Variants in LTBP3 observed in about 807,000 individuals in gnomAD.
LTBP3 encodes latent-transforming growth factor beta-binding protein 3.
In LTBP3, 97 loss-of-function variants were observed where a neutral mutation model predicts 159.7. The observed-to-expected ratio is 0.61, with a 90% confidence interval of 0.52 to 0.72. The LOEUF (loss-of-function observed/expected upper bound fraction) is 0.72. LTBP3 is among the 30% of genes least tolerant of loss of function. LTBP3 has a pLI of 0.00. For synonymous variants in LTBP3, 824 were observed against 777.1 expected (o/e 1.06, Z -1.00); for missense variants, 1,584 against 1,864.3 (o/e 0.85, Z 2.77).
At chr11:65,549,565 A>ATATTT (rs1856514122) in intron 11 of LTBP3, among the ~76,000 whole-genome samples, 1 of 70,880 alleles carries the variant, frequency 1.4e-5, no homozygotes, top group Non-Finnish European at 2.8e-5. Context: ...CGCCCAGCTA[A>ATATTT]TCTTTTTTTT....
At chr11:65,556,217 C>CA (rs1274188654) in intron 1 of LTBP3, among the ~76,000 whole-genome samples, 2 of 152,188 alleles carry the variant, frequency 1.3e-5, no homozygotes, top group Admixed American at 1.3e-4. Context: ...GACACCAACA[C>CA]AGGTTCACAT....
chr11:65,543,587 T>C (rs1409469671), intron 16 of LTBP3, 38 bp from the exon 17 acceptor site: 19 of 1,613,402 alleles, frequency 1.2e-5, no homozygotes, highest in Admixed American at 1.7e-5. Flanking sequence ...CCAGGCTGGG[T>C]GGTCTTGGGT....
In LTBP3 at chr11:65,538,747, G is replaced by C; in HGVS notation, c.*333C>G. ...AGTCTAGCCCCTGGGAGGCGGCTGG[G>C]GTCTGGCGCCGCCCTGCGCAGCCCG... On this transcript the variant is annotated 3_prime_UTR_variant, in exon 28 of 28. Coordinates refer to ENST00000301873, the MANE Select transcript of LTBP3 (RefSeq NM_001130144.3). 3 of 963,888 alleles carry C rather than the reference G, an allele frequency of 3.1e-6. No homozygotes were observed. The highest frequency in any genetic ancestry group is 3.5e-5 in the South Asian group (2 of 56,802). The allele number at this position is 963,888 out of a possible 1,614,324, so 59.7% of individuals were successfully genotyped here. A position where few individuals can be genotyped will look rare whatever the true frequency, so the allele number is the denominator to read the frequency against.
At position 65,539,065 on chromosome 11, in the gene LTBP3, G is replaced by A. The variant is rs567406268; in HGVS notation, c.*15C>T. ...GTGATCACCGAGGTCTGGGCCGAGG[G>A]CGGCGTCGGCGGCGTCAGCGGCGGC... On this transcript the variant is annotated 3_prime_UTR_variant, in exon 28 of 28. Transcript: ENST00000301873. 1.1e-4 allele frequency: 153 copies of A among 1,361,702 alleles called. No individual in the cohort carries two copies. The African/African-American group carries it at 2.3e-3, about 20-fold the overall frequency. 84.4% of individuals were successfully genotyped at this position (1,361,702 alleles called of 1,614,324 possible).
intron 1 of LTBP3, 25 bp downstream of exon 1, chr11:65,557,604 C>A (rs775160860): frequency 6.2e-7 from 1 of 1,606,106 alleles, no homozygotes; most frequent in East Asian, 2.2e-5. Context: ...CTTCCCCTGC[C>A]CCCAGCCGTG....
rs555971472 is a variant in LTBP3, at chr11:65,539,134, G to A, written c.3858C>T (p.Ala1286=). 4.6e-5 allele frequency: 68 copies of A among 1,485,450 alleles called. No individual in the cohort carries two copies. The African/African-American group carries it at 8.3e-4, about 18-fold the overall frequency. 92.0% of individuals were successfully genotyped at this position (1,485,450 alleles called of 1,614,324 possible). The change falls in exon 28 of 28, where the codon GCC becomes GCT. Residue 1286 remains alanine (A), a synonymous_variant. Transcript: ENST00000301873. The stretch of plus-strand genomic sequence containing the variant: ...CGTGCGGGCGGCTGCGCGCGAAGCC[G>A]GCTTTGCAGACGCAGCGGAAGGAGC... The part of the protein sequence containing the change: ...TSGSFRCVCK[A]GFARSRPHGA...
At chr11:65,548,278 C>G in intron 11 of LTBP3, 1 of 641,776 alleles carries the variant, frequency 1.6e-6, no homozygotes, top group East Asian at 2.7e-5. Flanking sequence ...CACCCAGGCC[C>G]GGATACTTCC....
Position 65,538,573 on chromosome 11 carries a change from G to T in LTBP3, c.*507C>A. On this transcript the variant is annotated 3_prime_UTR_variant, in exon 28 of 28. Coordinates refer to ENST00000301873, the MANE Select transcript of LTBP3 (RefSeq NM_001130144.3). The stretch of plus-strand genomic sequence containing the variant: ...AGCCCGGAAGCTGGACTGAACCGTG[G>T]CGGTGGCCCTTCCCGGCTGCGGAGA... The T allele has an allele frequency of 6.2e-7, 1 of 1,608,418 alleles. No individual in the cohort carries two copies. The highest frequency in any genetic ancestry group is 8.5e-7 in the Non-Finnish European group (1 of 1,177,534).
chr11:65,544,115 A>G, intron 16 of LTBP3: 1 of 172,808 alleles, frequency 5.8e-6, no homozygotes, highest in East Asian at 1.5e-4. Context: ...AGTTTCGAAC[A>G]TCCGCGTGGA....
rs770402348 is a variant in LTBP3 at position 65,547,442 on chromosome 11, C to T, written c.2104G>A (p.Glu702Lys). The T allele has an allele frequency of 6.8e-6, 11 of 1,613,458 alleles. No homozygotes were observed. The African/African-American group carries it at 1.1e-4, about 16-fold the overall frequency. The change falls in exon 14 of 28, where the codon GAA becomes AAA. Residue 702 changes from glutamate to lysine, a missense_variant. Transcript: ENST00000301873. This position sits in a 1 kb window ranked among gnomAD's most constrained non-coding sequence, Gnocchi z 4.6. ...RLKASRPPVC[E>K]DIDECRDPSS... ...GGTCTGAATGGGGTCCCCTCACCTT[C>T]GCACACAGGAGGCCGGGAGGCTTTG... is the stretch of plus-strand genomic sequence containing the variant.
chr11:65,538,864 G>A lies in LTBP3; in HGVS notation c.*216C>T, dbSNP rs1253605838. The A allele has an allele frequency of 1.1e-6, 1 of 908,342 alleles. No homozygotes were observed. Among genetic ancestry groups the A allele is most frequent in the Non-Finnish European group, 1.5e-6 (1 of 655,924 alleles). 56.3% of individuals were successfully genotyped at this position (908,342 alleles called of 1,614,324 possible). A position where few individuals can be genotyped will look rare whatever the true frequency, so the allele number is the denominator to read the frequency against. ...ATCAGTTTCTAGGAAACACCCTCTG[G>A]GAGGAAGGCAGGCAGCGCCCGCCGG... On this transcript the variant is annotated 3_prime_UTR_variant, in exon 28 of 28. Transcript: ENST00000301873.
At chr11:65,548,359 G>T in intron 11 of LTBP3, 1 of 585,472 alleles carries the variant, frequency 1.7e-6, no homozygotes, top group African/African-American at 1.9e-5. Context: ...GGGCCCCTCA[G>T]TCGTCCCAGT....
At position 65,546,784 on chromosome 11, in the gene LTBP3, G is replaced by A; in HGVS notation, c.2230+14C>T. The A allele has an allele frequency of 1.3e-6, 2 of 1,599,226 alleles. No individual in the cohort carries two copies. The highest frequency in any genetic ancestry group is 1.7e-6 in the Non-Finnish European group (2 of 1,178,958). On this transcript the variant is annotated intron_variant, in intron 15 of 27. Coordinates refer to ENST00000301873, the MANE Select transcript of LTBP3 (RefSeq NM_001130144.3). This position sits in a 1 kb window ranked among gnomAD's most constrained non-coding sequence, Gnocchi z 4.0. ...TGACGGCCCCACCCACTCGGCTCCG[G>A]GCCCCGCCCTCACCGCGACAGGCCC...
chr11:65,544,062 A>C (rs1590766880), intron 16 of LTBP3: 3 of 182,102 alleles, frequency 1.6e-5, no homozygotes, highest in Non-Finnish European at 2.4e-5. Flanking sequence ...GTCAGCACCC[A>C]CCTTCCTCAT....
Position 65,552,641 on chromosome 11 carries a change from G to C in LTBP3, c.1186+219C>G. Among the ~76,000 whole-genome samples, 1 of 152,116 alleles carries C rather than the reference G, an allele frequency of 6.6e-6. No homozygotes were observed. Among genetic ancestry groups the C allele is most frequent in the East Asian group, 1.9e-4 (1 of 5,190 alleles). ...CACCACTCCTACTCATCAAGCCTAT[G>C]TTCTGCATGACTCTGACTCTATGTA... On this transcript the variant is annotated intron_variant, in intron 6 of 27. Coordinates refer to ENST00000301873, the MANE Select transcript of LTBP3 (RefSeq NM_001130144.3). This position sits in a 1 kb window ranked among gnomAD's most constrained non-coding sequence, Gnocchi z 6.0.
chr11:65,551,676 G>T, intron 8 of LTBP3, 112 bp from the exon 9 acceptor site: 1 of 1,352,712 alleles, frequency 7.4e-7, no homozygotes. Context: ...CAACAATCAT[G>T]TCTCCAGGTC....
At chr11:65,542,415 A>C (rs1367716158) in intron 18 of LTBP3, 2 of 128,938 alleles carry the variant, frequency 1.6e-5, no homozygotes, top group Non-Finnish European at 3.2e-5. Context: ...TTGAGATGGA[A>C]TCTCACTCTC....
chr11:65,539,687 C>T (rs1294381168), intron 25 of LTBP3, 33 bp downstream of exon 25: 1 of 1,571,974 alleles, frequency 6.4e-7, no homozygotes, highest in South Asian at 1.1e-5. Flanking sequence ...CCCCCATCCT[C>T]GCTCCCGGCC....
chr11:65,541,011 G>C, intron 20 of LTBP3, 57 bp from the exon 21 acceptor site: 3 of 1,587,684 alleles, frequency 1.9e-6, no homozygotes, highest in African/African-American at 1.3e-5. Flanking sequence ...GCGCGCGTGG[G>C]CTTAGGGCTG....
Sources: gnomAD v4.1 joint callset for allele counts (sites outside exome capture counted in the v4.1 genomes callset) on GRCh38, gnomAD v4.1.1 for gene constraint, Gnocchi (gnomAD v3.1) non-coding constraint, MANE v1.5 for transcripts, NCBI Gene and HGNC (gene_info 2026-07-23, HGNC 2026-07-21) for gene names.